The following PHACTR3 variants were observed in gnomAD, a reference collection of about 807,000 sequenced individuals.
PHACTR3 encodes the protein protein phosphatase 1, regulatory subunit 123.
In PHACTR3, 16 loss-of-function variants were observed where a neutral mutation model predicts 66.8. That is an observed-to-expected ratio of 0.24 (90% CI 0.16 to 0.36). The LOEUF is 0.36. Among genes scored for constraint, PHACTR3 ranks in the 10% least tolerant of loss-of-function variants. The pLI, the probability that PHACTR3 is intolerant of heterozygous loss-of-function variation, is 1.00. For missense variants in PHACTR3, 647 were observed against 719.9 expected (o/e 0.90, Z 1.16); for synonymous variants, 323 against 292.1 (o/e 1.11, Z -1.08).
chr20:59,753,092 G>A (rs1352169825), intron 3 of PHACTR3, among the ~76,000 whole-genome samples: 1 of 151,964 alleles, frequency 6.6e-6, no homozygotes, highest in Non-Finnish European at 1.5e-5. Context: ...CTCAGGACCT[G>A]TTTTTATGTG....
At chr20:59,756,452 C>T (rs948092513) in intron 4 of PHACTR3, among the ~76,000 whole-genome samples, 2 of 152,168 alleles carry the variant, frequency 1.3e-5, no homozygotes, top group Non-Finnish European at 2.9e-5. Flanking sequence ...ACCACACACT[C>T]GCAGGCCGCC....
At chr20:59,610,804 C>A (rs762050018) in intron 1 of PHACTR3, among the ~76,000 whole-genome samples, 2 of 152,174 alleles carry the variant, frequency 1.3e-5, no homozygotes, top group Non-Finnish European at 2.9e-5. Flanking sequence ...CTTGGTAGTT[C>A]CCCAATGAAT....
chr20:59,640,487 G>T lies in PHACTR3; in HGVS notation c.118+35355G>T, dbSNP rs537431809. Among the ~76,000 whole-genome samples, 12 of 152,276 alleles carry T rather than the reference G, an allele frequency of 7.9e-5. No individual in the cohort carries two copies. The East Asian group carries it at 2.3e-3, about 29-fold the overall frequency. ...AATAGTAGCTCGACTCAGCTTTGGGGTGCAGAGACACTGGGGAGGGGCGGG... is the reference window on the plus strand; with the variant it reads ...AATAGTAGCTCGACTCAGCTTTGGGTTGCAGAGACACTGGGGAGGGGCGGG... On this transcript the variant is annotated intron_variant, in intron 1 of 12. Coordinates refer to ENST00000371015, the MANE Select transcript of PHACTR3 (RefSeq NM_080672.5).
At chr20:59,618,539 GC>G (rs897311249) in intron 1 of PHACTR3, among the ~76,000 whole-genome samples, 4 of 152,226 alleles carry the variant, frequency 2.6e-5, no homozygotes, top group African/African-American at 4.8e-5. Flanking sequence ...GGACTACATT[GC>G]CCGGAGGAAG....
chr20:59,763,633 T>C (rs2040078298), intron 4 of PHACTR3, among the ~76,000 whole-genome samples: 2 of 152,082 alleles, frequency 1.3e-5, no homozygotes, highest in Admixed American at 1.3e-4. Flanking sequence ...TGGTCCAGGG[T>C]TAACAGAGAA....
chr20:59,624,240 A>G (rs1450556791), intron 1 of PHACTR3, among the ~76,000 whole-genome samples: 2 of 150,380 alleles, frequency 1.3e-5, no homozygotes, highest in Non-Finnish European at 3.0e-5. Flanking sequence ...GCATGCACCA[A>G]CCCCTCCGTG....
intron 7 of PHACTR3, among the ~76,000 whole-genome samples, chr20:59,788,854 A>G (rs1399529332): frequency 3.3e-5 from 5 of 152,090 alleles, no homozygotes; most frequent in Non-Finnish European, 7.4e-5. Context: ...CCCTCCTCCA[A>G]CATCACAGCC....
Position 59,652,437 on chromosome 20 carries a change from G to A in PHACTR3, c.118+47305G>A, listed in dbSNP as rs567381096. Among the ~76,000 whole-genome samples the A allele has an allele frequency of 2.6e-5, 4 of 152,278 alleles. No individual in the cohort carries two copies. The East Asian group carries it at 5.8e-4, about 22-fold the overall frequency. On this transcript the variant is annotated intron_variant, in intron 1 of 12. Coordinates refer to ENST00000371015, the MANE Select transcript of PHACTR3 (RefSeq NM_080672.5). ...TGGCACACACTTGTCTGTAGTGCCAGCTACTCAGGAGGCTGAGGCAGGAGG... is the reference window on the plus strand; with the variant it reads ...TGGCACACACTTGTCTGTAGTGCCAACTACTCAGGAGGCTGAGGCAGGAGG...
intron 7 of PHACTR3, among the ~76,000 whole-genome samples, chr20:59,796,397 C>T (rs2041253563): frequency 6.6e-6 from 1 of 152,078 alleles, no homozygotes; most frequent in African/African-American, 2.4e-5. Flanking sequence ...TTACCTACAC[C>T]ATTATCATAA....
At position 59,755,464 on chromosome 20, in the gene PHACTR3, C is replaced by T. The variant is rs896061980; in HGVS notation, c.541+100C>T. 5 of 1,309,798 alleles carry T rather than the reference C, an allele frequency of 3.8e-6. No individual in the cohort carries two copies. The African/African-American group carries it at 7.4e-5, about 19-fold the overall frequency. 81.1% of individuals were successfully genotyped at this position (1,309,798 alleles called of 1,614,324 possible). ...AGCTTAGGCAACAGCCCTCGTAGAA[C>T]ATTGTTCTCCAGAGAGCTGGGCCCG... On this transcript the variant is annotated intron_variant, in intron 4 of 12. Coordinates refer to ENST00000371015, the MANE Select transcript of PHACTR3 (RefSeq NM_080672.5).
chr20:59,788,971 T>C (rs1236239009), intron 7 of PHACTR3, among the ~76,000 whole-genome samples: 3 of 152,226 alleles, frequency 2.0e-5, no homozygotes, highest in Admixed American at 6.5e-5. Context: ...ACAGTGTCAC[T>C]GTTGTTTCAG....
intron 1 of PHACTR3, among the ~76,000 whole-genome samples, chr20:59,623,154 C>T (rs2034321509): frequency 6.6e-6 from 1 of 151,680 alleles, no homozygotes; most frequent in Non-Finnish European, 1.5e-5. Context: ...ACTCAACAGG[C>T]TTTTTAAAAC....
Position 59,841,385 on chromosome 20 carries a change from T to C in PHACTR3, c.1447-10T>C, listed in dbSNP as rs752733490. 1.2e-6 allele frequency: 2 copies of C among 1,608,076 alleles called. No individual in the cohort carries two copies. The highest frequency in any genetic ancestry group is 1.7e-5 in the Admixed American group (1 of 59,406). On this transcript the variant is annotated splice_polypyrimidine_tract_variant and intron_variant, in intron 10 of 12. Transcript: ENST00000371015. ...ATGTGATACTTAACTATGATGATCT[T>C]TAATTTTAGCTTAATCAGAGACCCA...
intron 8 of PHACTR3, among the ~76,000 whole-genome samples, chr20:59,810,126 G>A (rs1407772879): frequency 2.0e-5 from 3 of 152,174 alleles, no homozygotes; most frequent in Non-Finnish European, 2.9e-5. Flanking sequence ...TAGTACATGT[G>A]GTTCAAAAAA....
At chr20:59,752,763 C>T (rs1009097818) in intron 3 of PHACTR3, among the ~76,000 whole-genome samples, 3 of 152,162 alleles carry the variant, frequency 2.0e-5, no homozygotes, top group Admixed American at 6.5e-5. Context: ...GTCATGGCAG[C>T]AAAAGACCTG....
At chr20:59,788,089 T>C (rs6027110) in intron 7 of PHACTR3, among the ~76,000 whole-genome samples, 128,506 of 152,048 alleles carry the variant, frequency 0.85, 56,120 homozygotes, top group South Asian at 0.95. Context: ...TGTTTGTCTT[T>C]TATCCTTTGC....
chr20:59,708,066 A>C (rs1484397791), intron 1 of PHACTR3, among the ~76,000 whole-genome samples: 1 of 152,156 alleles, frequency 6.6e-6, no homozygotes, highest in Non-Finnish European at 1.5e-5. Flanking sequence ...CATCCCCTGA[A>C]CCAGTCATGG....
intron 5 of PHACTR3, among the ~76,000 whole-genome samples, chr20:59,767,900 T>C (rs1346997742): frequency 2.0e-5 from 3 of 151,960 alleles, no homozygotes; most frequent in Admixed American, 2.0e-4. Flanking sequence ...TTCTGGATGC[T>C]CATGTGTCTG....
At chr20:59,602,453 AAAG>A (rs1159193788), upstream of PHACTR3, among the ~76,000 whole-genome samples, 2 of 152,066 alleles carry the variant, frequency 1.3e-5, no homozygotes, top group Non-Finnish European at 2.9e-5. Context: ...AAAAAAAAAA[AAAG>A]AGAGAGAGAG....
Sources: gnomAD v4.1 joint callset for allele counts (sites outside exome capture counted in the v4.1 genomes callset) on GRCh38, gnomAD v4.1.1 for gene constraint, MANE v1.5 for transcripts, NCBI Gene and HGNC (gene_info 2026-07-23, HGNC 2026-07-21) for gene names.